The following PBRM1 variants were observed in gnomAD, a reference collection of about 807,000 sequenced individuals.
The protein encoded by PBRM1 is polybromo 1.
In PBRM1, 27 loss-of-function variants were observed where a neutral mutation model predicts 194.5. That is an observed-to-expected ratio of 0.14 (90% confidence interval 0.10 to 0.19). The LOEUF is 0.19. PBRM1 is among the 10% of genes least tolerant of loss of function. PBRM1 has a pLI of 1.00. For missense variants in PBRM1, 1,466 were observed against 2,077.2 expected (o/e 0.71, Z 5.72); for synonymous variants, 655 against 693.2 (o/e 0.94, Z 0.87).
chr3:52,588,848 G>A (rs533812503), intron 18 of PBRM1, among the ~76,000 whole-genome samples: 8 of 152,138 alleles, frequency 5.3e-5, no homozygotes, highest in South Asian at 2.1e-4. Context: ...GAGCCACCGC[G>A]CCCGACCTAG....
At chr3:52,640,626 G>A (rs2096038893) in intron 10 of PBRM1, among the ~76,000 whole-genome samples, 1 of 149,998 alleles carries the variant, frequency 6.7e-6, no homozygotes, top group Non-Finnish European at 1.5e-5. Context: ...TGTGTCTCTT[G>A]TAACCAGCCA....
At chr3:52,582,545 G>T (rs1576084045) in intron 20 of PBRM1, among the ~76,000 whole-genome samples, 1 of 151,500 alleles carries the variant, frequency 6.6e-6, no homozygotes, top group East Asian at 2.0e-4. Context: ...AAGTAACTGG[G>T]ATTATAGGCA....
intron 11 of PBRM1, among the ~76,000 whole-genome samples, chr3:52,631,040 A>G (rs1437337425): frequency 1.3e-5 from 2 of 152,212 alleles, no homozygotes; most frequent in African/African-American, 4.8e-5. Flanking sequence ...TATAAAAGAC[A>G]TATTTCTAGG....
intron 13 of PBRM1, among the ~76,000 whole-genome samples, chr3:52,624,129 C>A (rs2095367648): frequency 6.6e-6 from 1 of 152,178 alleles, no homozygotes; most frequent in African/African-American, 2.4e-5. Flanking sequence ...TGATCCTATA[C>A]AACTGCTTAG....
At position 52,596,436 on chromosome 3, in the gene PBRM1, C is replaced by CAAAAAAAAAAAAAAAAA. The variant is rs763007814; in HGVS notation, c.2779+7068_2779+7084dup. On this transcript the variant is annotated intron_variant, in intron 17 of 29. Coordinates refer to ENST00000296302, the Ensembl canonical transcript of PBRM1. Reference sequence around the variant, plus strand: ...CTGGCGACAGAGTGAGACTCCGTCTCAAAAAAAAAAAAAAAAAAAAAAAAA... The same window carrying CAAAAAAAAAAAAAAAAA: ...CTGGCGACAGAGTGAGACTCCGTCTCAAAAAAAAAAAAAAAAAAAAAAAAAAAAAAAAAAAAAAAAAA... 4.4e-4 allele frequency among the ~76,000 whole-genome samples: 22 copies of CAAAAAAAAAAAAAAAAA among 50,370 alleles called. 3 individuals are homozygous for CAAAAAAAAAAAAAAAAA. The highest frequency in any genetic ancestry group is 7.5e-4 in the African/African-American group (9 of 12,078). 33.0% of individuals were successfully genotyped at this position (50,370 alleles called of 152,430 possible). A position where few individuals can be genotyped will look rare whatever the true frequency, so the allele number is the denominator to read the frequency against.
intron 27 of PBRM1, chr3:52,552,015 G>C (rs2081094879): frequency 2.0e-5 from 3 of 152,152 alleles, no homozygotes; most frequent in Admixed American, 1.3e-4. Context: ...AAAATAACAA[G>C]TAAAAAAGCT....
At chr3:52,669,726 C>T (rs981439140) in intron 2 of PBRM1, among the ~76,000 whole-genome samples, 1 of 151,934 alleles carries the variant, frequency 6.6e-6, no homozygotes. Context: ...ATAAAAGTTG[C>T]AAAAATAGTA....
intron 13 of PBRM1, among the ~76,000 whole-genome samples, chr3:52,625,752 T>C (rs2095427133): frequency 6.6e-6 from 1 of 152,006 alleles, no homozygotes; most frequent in Non-Finnish European, 1.5e-5. Flanking sequence ...TTTTTTTGTA[T>C]TTTTAGTAGA....
At chr3:52,569,115 T>C (rs1575746238) in intron 22 of PBRM1, among the ~76,000 whole-genome samples, 2 of 152,132 alleles carry the variant, frequency 1.3e-5, no homozygotes, top group African/African-American at 2.4e-5. Flanking sequence ...CTCAAACTCC[T>C]AGGCTCAAGT....
chr3:52,627,241 G>T, intron 13 of PBRM1, 32 bp downstream of exon 14: 1 of 1,200,792 alleles, frequency 8.3e-7, no homozygotes, highest in South Asian at 1.3e-5. Context: ...AACAGGAACT[G>T]AGATGTCCCC....
At chr3:52,600,222 A>G (rs997810765) in intron 17 of PBRM1, among the ~76,000 whole-genome samples, 2 of 152,194 alleles carry the variant, frequency 1.3e-5, no homozygotes, top group Non-Finnish European at 2.9e-5. Context: ...ATTTCTTGAT[A>G]CACTTGGAAA....
chr3:52,685,676 C>G (rs1363449651), intron 1 of PBRM1, 73 bp downstream of exon 1: 2 of 148,910 alleles, frequency 1.3e-5, no homozygotes, highest in Non-Finnish European at 3.0e-5. Context: ...GGCTCCCGCC[C>G]GCCCGGGCCC....
At chr3:52,656,149 T>A (rs1355814135) in intron 5 of PBRM1, among the ~76,000 whole-genome samples, 1 of 152,212 alleles carries the variant, frequency 6.6e-6, no homozygotes, top group Non-Finnish European at 1.5e-5. Flanking sequence ...CAAATCTATA[T>A]GTTAATTATC....
chr3:52,599,375 T>C (rs535304576), intron 17 of PBRM1, among the ~76,000 whole-genome samples: 7 of 152,196 alleles, frequency 4.6e-5, no homozygotes, highest in Non-Finnish European at 1.0e-4. Flanking sequence ...GAATTGTTAA[T>C]TATAGTCAGT....
intron 5 of PBRM1, among the ~76,000 whole-genome samples, chr3:52,655,207 T>C (rs1198047215): frequency 1.3e-5 from 2 of 152,132 alleles, no homozygotes; most frequent in Non-Finnish European, 2.9e-5. Flanking sequence ...TCTTGCAAAA[T>C]GGAAACTCTG....
intron 6 of PBRM1, among the ~76,000 whole-genome samples, chr3:52,650,935 T>A (rs1346335602): frequency 1.3e-5 from 2 of 152,222 alleles, no homozygotes; most frequent in African/African-American, 4.8e-5. Context: ...ACACAATTAA[T>A]ATTTATTAAG....
At chr3:52,583,661 C>T (rs1267437235) in intron 20 of PBRM1, among the ~76,000 whole-genome samples, 3 of 152,060 alleles carry the variant, frequency 2.0e-5, no homozygotes, top group Non-Finnish European at 4.4e-5. Flanking sequence ...AACAGTAACC[C>T]TAGACTGTTT....
At chr3:52,673,053 T>A (rs1302348400) in intron 2 of PBRM1, among the ~76,000 whole-genome samples, 2 of 151,704 alleles carry the variant, frequency 1.3e-5, no homozygotes, top group African/African-American at 4.8e-5. Context: ...AATGGTGCAA[T>A]CTCAGCTCAC....
At chr3:52,679,720 A>G (rs756724640), upstream of PBRM1, 112 of 1,611,992 alleles carry the variant, frequency 6.9e-5, no homozygotes, top group Non-Finnish European at 9.2e-5. Flanking sequence ...ATGGAATCCA[A>G]CTTCTTCTAT....
Sources: allele counts gnomAD v4.1 joint callset (sites outside exome capture counted in the v4.1 genomes callset), GRCh38; gene constraint gnomAD v4.1.1; transcripts MANE v1.5; gene names NCBI Gene and HGNC (gene_info 2026-07-23, HGNC 2026-07-21).